Variants in STOX2 observed in about 807,000 individuals in gnomAD.
The protein encoded by STOX2 is storkhead-box protein 2.
STOX2 carries 28 observed loss-of-function variants against 60.9 expected under a neutral mutation model. That is an observed-to-expected ratio of 0.46 (90% CI 0.34 to 0.63). STOX2 has a LOEUF of 0.63. Among genes scored for constraint, STOX2 ranks in the 30% least tolerant of loss-of-function variants. The pLI is 0.01. For missense variants in STOX2, 1,024 were observed against 1,187.7 expected (o/e 0.86, Z 2.03); for synonymous variants, 472 against 463.9 (o/e 1.02, Z -0.22).
chr4:183,947,445 A>G (rs1742929362), intron 1 of STOX2, among the ~76,000 whole-genome samples: 1 of 152,092 alleles, frequency 6.6e-6, no homozygotes, highest in Non-Finnish European at 1.5e-5. Context: ...GGCAATACAC[A>G]TCTCAAAATA....
chr4:183,989,116 C>T (rs11731795), intron 1 of STOX2, among the ~76,000 whole-genome samples: 6 of 151,424 alleles, frequency 4.0e-5, no homozygotes, highest in African/African-American at 1.5e-4. Context: ...ATATCTATCT[C>T]GCTCGCTGCT....
intron 1 of STOX2, among the ~76,000 whole-genome samples, chr4:183,807,005 CT>C (rs1738907647): frequency 1.3e-5 from 2 of 151,424 alleles, no homozygotes; most frequent in Non-Finnish European, 2.9e-5. Flanking sequence ...CGGAGTCTTG[CT>C]CTGTCGCCCA....
chr4:183,846,470 T>C (rs1310480747), intron 1 of STOX2, among the ~76,000 whole-genome samples: 1 of 152,222 alleles, frequency 6.6e-6, no homozygotes. Context: ...TTAATTTTTG[T>C]TCTTCAGATT....
At chr4:183,812,305 C>A (rs1444596656) in intron 1 of STOX2, among the ~76,000 whole-genome samples, 1 of 150,246 alleles carries the variant, frequency 6.7e-6, no homozygotes, top group African/African-American at 2.5e-5. Flanking sequence ...ATTTAGCCAG[C>A]AAATTTGCAT....
chr4:183,831,742 T>A (rs1739572704), intron 1 of STOX2, among the ~76,000 whole-genome samples: 3 of 152,206 alleles, frequency 2.0e-5, no homozygotes, highest in Admixed American at 6.5e-5. Flanking sequence ...ACCCCACGGA[T>A]ATAGACAAAA....
At chr4:183,853,126 A>T (rs1248467791) in intron 1 of STOX2, among the ~76,000 whole-genome samples, 1 of 152,174 alleles carries the variant, frequency 6.6e-6, no homozygotes, top group Non-Finnish European at 1.5e-5. Context: ...GGTGAAATGA[A>T]ATCAAAGTAA....
chr4:183,960,086 C>T (rs1230835095), intron 1 of STOX2, among the ~76,000 whole-genome samples: 1 of 152,182 alleles, frequency 6.6e-6, no homozygotes, highest in Non-Finnish European at 1.5e-5. Flanking sequence ...AACAAGCCTC[C>T]GTGAGCAGCT....
At position 183,885,517 on chromosome 4, in the gene STOX2, C is replaced by T. The variant is rs544209292; in HGVS notation, c.364+87462C>T. On this transcript the variant is annotated intron_variant, in intron 1 of 2. Transcript: ENST00000513034. ...GTGCAGCGAGACAAATGAGGCCCCT[C>T]CATCTGTGGAGGCTGTGCAGGGTGC... Among the ~76,000 whole-genome samples the T allele has an allele frequency of 2.4e-3, 366 of 152,274 alleles. 2 individuals carry two copies. The highest frequency in any genetic ancestry group is 4.0e-3 in the Admixed American group (61 of 15,288).
chr4:183,822,543 A>T (rs1431514859), intron 1 of STOX2, among the ~76,000 whole-genome samples: 1 of 152,230 alleles, frequency 6.6e-6, no homozygotes, highest in East Asian at 1.9e-4. Context: ...TTAGATTCTC[A>T]TAAGGAGCAC....
rs116205627 is a variant in STOX2 at position 183,830,801 on chromosome 4, G to A, written c.364+32746G>A. 7.3e-3 allele frequency among the ~76,000 whole-genome samples: 1,108 copies of A among 151,942 alleles called. 13 individuals carry two copies. The highest frequency in any genetic ancestry group is 0.026 in the African/African-American group (1,063 of 41,400). ...CCTCCAACAATAGGACACTTGTTCC[G>A]GTTTCAGGGTCACCTGATCCACACC... On this transcript the variant is annotated intron_variant, in intron 1 of 2. Transcript: ENST00000513034.
chr4:183,802,055 C>G (rs1561097924), intron 1 of STOX2, among the ~76,000 whole-genome samples: 1 of 152,218 alleles, frequency 6.6e-6, no homozygotes, highest in African/African-American at 2.4e-5. Context: ...GGAGGGCCTT[C>G]TAGCCTCGGC....
intron 1 of STOX2, among the ~76,000 whole-genome samples, chr4:183,999,098 C>CT (rs1733472902): frequency 6.6e-6 from 1 of 152,120 alleles, no homozygotes; most frequent in Non-Finnish European, 1.5e-5. Flanking sequence ...AAAAACCCAG[C>CT]TTTTTTTGTA....
At chr4:183,999,167 G>T (rs115238190) in intron 1 of STOX2, among the ~76,000 whole-genome samples, 1 of 152,082 alleles carries the variant, frequency 6.6e-6, no homozygotes, top group Non-Finnish European at 1.5e-5. Flanking sequence ...GTTCTAGGCC[G>T]TTGGAAACTT....
chr4:183,883,133 C>T (rs1740993771), intron 1 of STOX2, among the ~76,000 whole-genome samples: 1 of 152,000 alleles, frequency 6.6e-6, no homozygotes, highest in Admixed American at 6.6e-5. Context: ...TCTACTCCCT[C>T]CTCCCCCCAA....
In STOX2 at chr4:184,017,712, CAAA is replaced by C. The variant is rs1171889650; in HGVS notation, c.*434_*436del. Reference sequence around the variant, plus strand: ...CCAAAAAAAAAAAAACAAAACAAAACAAAAAAAATTTAAAAAAAAAAAACAAAA... The same window carrying C: ...CCAAAAAAAAAAAAACAAAACAAAACAAAAATTTAAAAAAAAAAAACAAAA... On this transcript the variant is annotated 3_prime_UTR_variant, in exon 4 of 4. Transcript: ENST00000308497. 1 of 138,094 alleles carries C rather than the reference CAAA, an allele frequency of 7.2e-6. No individual in the cohort carries two copies. The highest frequency in any genetic ancestry group is 2.7e-5 in the African/African-American group (1 of 37,136). The allele number at this position is 138,094 out of a possible 1,614,324, so 8.6% of individuals were successfully genotyped here. A position where few individuals can be genotyped will look rare whatever the true frequency, so the allele number is the denominator to read the frequency against.
rs143246201 is a variant in STOX2 at position 183,978,799 on chromosome 4, G to A, written c.167-22526G>A. ...ACATACCAGTGGTTTCCAGGGATTC[G>A]AAGTGTGTAAGGCACAACATGAAGC... On this transcript the variant is annotated intron_variant, in intron 1 of 3. Coordinates refer to ENST00000308497, the MANE Select transcript of STOX2 (RefSeq NM_020225.3). 2.2e-3 allele frequency among the ~76,000 whole-genome samples: 329 copies of A among 152,214 alleles called. 1 individual carries two copies. Among genetic ancestry groups the A allele is most frequent in the Non-Finnish European group, 4.0e-3 (275 of 68,014 alleles).
At chr4:183,898,742 G>A (rs1579388489) in intron 1 of STOX2, among the ~76,000 whole-genome samples, 3 of 152,250 alleles carry the variant, frequency 2.0e-5, no homozygotes, top group Non-Finnish European at 2.9e-5. Context: ...AGTTTTAAGG[G>A]GAGAGAGTGG....
rs566064321 is a variant in STOX2, at chr4:183,821,208, C to T, written c.364+23153C>T. On this transcript the variant is annotated intron_variant, in intron 1 of 2. Transcript: ENST00000513034. This position sits in a 1 kb window ranked among gnomAD's most constrained non-coding sequence, Gnocchi z 4.2. Reference sequence around the variant, plus strand: ...CTGATGCCAATCTAATATAGCATAACGACTTAATTTTGCTCTTGAATTGTA... The same window carrying T: ...CTGATGCCAATCTAATATAGCATAATGACTTAATTTTGCTCTTGAATTGTA... Among the ~76,000 whole-genome samples, 18 of 152,208 alleles carry T rather than the reference C, an allele frequency of 1.2e-4. No homozygotes were observed. In the East Asian group the frequency reaches 1.3e-3, roughly 11 times the overall value.
Position 183,906,249 on chromosome 4 carries a change from C to G in STOX2, c.-542C>G, listed in dbSNP as rs1015357621. ...CACGACTCGGACACTGTCATCCCCA[C>G]GCCTCGCGCTGAGCTGCCCGGCGCG... On this transcript the variant is annotated 5_prime_UTR_variant, in exon 1 of 4. Coordinates refer to ENST00000308497, the MANE Select transcript of STOX2 (RefSeq NM_020225.3). 6.6e-6 allele frequency: 1 copy of G among 152,284 alleles called. No homozygotes were observed. The highest frequency in any genetic ancestry group is 2.4e-5 in the African/African-American group (1 of 41,460). 9.4% of individuals were successfully genotyped at this position (152,284 alleles called of 1,614,324 possible). A position where few individuals can be genotyped will look rare whatever the true frequency, so the allele number is the denominator to read the frequency against.
Sources: gnomAD v4.1 joint callset for allele counts (sites outside exome capture counted in the v4.1 genomes callset) on GRCh38, gnomAD v4.1.1 for gene constraint, Gnocchi (gnomAD v3.1) non-coding constraint, MANE v1.5 for transcripts, NCBI Gene and HGNC (gene_info 2026-07-23, HGNC 2026-07-21) for gene names.